The following EIF3I variants were observed in gnomAD, a reference collection of about 807,000 sequenced individuals.
The protein encoded by EIF3I is eukaryotic translation initiation factor 3 subunit I, also known as TGF-beta receptor-interacting protein 1.
A neutral mutation model predicts 43.3 loss-of-function variants in EIF3I; 20 were observed. The ratio of observed to expected loss-of-function variants is 0.46; its 90% CI spans 0.32 to 0.67. The LOEUF (loss-of-function observed/expected upper bound fraction) is 0.67. EIF3I is among the 30% of genes least tolerant of loss of function. EIF3I has a pLI of 0.03. For synonymous variants in EIF3I, 167 were observed against 151.7 expected (o/e 1.10, Z -0.74); for missense variants, 279 against 421.4 (o/e 0.66, Z 2.96).
intron 4 of EIF3I, among the ~76,000 whole-genome samples, chr1:32,225,271 C>T (rs759725185): frequency 1.3e-5 from 2 of 152,156 alleles, no homozygotes; most frequent in Non-Finnish European, 2.9e-5. Context: ...CCACTGTGCC[C>T]AGCCTAAGCT....
exon 12 of EIF3I, chr1:32,231,176 G>A (rs1639229742): frequency 4.3e-6 from 7 of 1,613,786 alleles, no homozygotes; most frequent in Non-Finnish European, 5.9e-6. Context: ...ACAGTACTTC[G>A]AATTTGAGTT....
At chr1:32,229,556 T>TA (rs1181163635) in intron 9 of EIF3I, among the ~76,000 whole-genome samples, 1 of 132,106 alleles carries the variant, frequency 7.6e-6, no homozygotes, top group African/African-American at 2.9e-5. Context: ...CCTTTTTTTT[T>TA]TTTTTTTTTT....
chr1:32,229,358 T>G, intron 9 of EIF3I, 150 bp downstream of exon 9: 3 of 751,070 alleles, frequency 4.0e-6, no homozygotes, highest in Non-Finnish European at 6.2e-6. Flanking sequence ...CCTCCCGGGT[T>G]GACGCCATTC....
At position 32,230,195 on chromosome 1, in the gene EIF3I, C is replaced by G. The variant is rs552974732; in HGVS notation, c.804-71C>G. On this transcript the variant is annotated intron_variant, in intron 9 of 11. Coordinates refer to ENST00000676679, the Ensembl canonical transcript of EIF3I. ...AACCATGGCACGCAGCCACCAATTT[C>G]CATCTTATTTTGTTCACATTCACTT... Among the ~76,000 whole-genome samples the G allele has an allele frequency of 5.3e-5, 8 of 149,730 alleles. No homozygotes were observed. In the Admixed American group the frequency reaches 5.4e-4, roughly 10 times the overall value.
intron 6 of EIF3I, among the ~76,000 whole-genome samples, chr1:32,228,185 AGT>A (rs1639176773): frequency 1.3e-5 from 2 of 152,220 alleles, no homozygotes; most frequent in South Asian, 2.1e-4. Context: ...AACGTCCTTC[AGT>A]GTGAGGAGGT....
downstream of EIF3I, chr1:32,234,304 CAA>C (rs76358588): frequency 1.2e-4 from 13 of 111,244 alleles, no homozygotes; most frequent in Admixed American, 9.7e-5. Context: ...GACTTCATCT[CAA>C]AAAAAAAAAA....
intron 6 of EIF3I, among the ~76,000 whole-genome samples, chr1:32,226,824 C>CCTTT (rs1557555148): frequency 3.8e-5 from 3 of 78,622 alleles, no homozygotes; most frequent in Admixed American, 1.7e-4. Flanking sequence ...CCGCTCGTGG[C>CCTTT]TTTTTTTTTT....
At chr1:32,236,104 A>G (rs1639294579), downstream of EIF3I, among the ~76,000 whole-genome samples, 1 of 152,234 alleles carries the variant, frequency 6.6e-6, no homozygotes, top group Non-Finnish European at 1.5e-5. Context: ...TCAGTTACCC[A>G]TGGTCAACTG....
intron 2 of EIF3I, among the ~76,000 whole-genome samples, chr1:32,223,034 T>C (rs1276739554): frequency 6.6e-6 from 1 of 152,188 alleles, no homozygotes; most frequent in Non-Finnish European, 1.5e-5. Context: ...GCTGAGATCG[T>C]GCCACTGCAC....
intron 6 of EIF3I, among the ~76,000 whole-genome samples, chr1:32,227,386 A>G (rs1639164844): frequency 6.6e-6 from 1 of 152,002 alleles, no homozygotes; most frequent in African/African-American, 2.4e-5. Context: ...GGCAATTTAC[A>G]TGACTTCTCT....
chr1:32,228,723 C>G lies in EIF3I; in HGVS notation c.640-4C>G. 5.6e-6 allele frequency: 9 copies of G among 1,613,956 alleles called. No homozygotes were observed. The highest frequency in any genetic ancestry group is 6.8e-6 in the Non-Finnish European group (8 of 1,179,846). ...CAGATTTCCCCCCTGCCTTCTCTCT[C>G]CAGCTTTTTGACTCCACAACTCTTG... On this transcript the variant is annotated splice_polypyrimidine_tract_variant and splice_region_variant and intron_variant, in intron 7 of 11. Transcript: ENST00000676679.
At chr1:32,233,885 T>C (rs1639269255), downstream of EIF3I, among the ~76,000 whole-genome samples, 1 of 152,124 alleles carries the variant, frequency 6.6e-6, no homozygotes, top group Non-Finnish European at 1.5e-5. Flanking sequence ...CTTGGACCTA[T>C]TTATCTCTGG....
At chr1:32,228,636 G>C in intron 7 of EIF3I, 27 bp downstream of exon 7, 1 of 1,610,406 alleles carries the variant, frequency 6.2e-7, no homozygotes, top group Non-Finnish European at 8.5e-7. Context: ...GTCTGGCAGG[G>C]CTGCTCCCTC....
At position 32,226,395 on chromosome 1, in the gene EIF3I, C is replaced by G. The variant is rs201776715; in HGVS notation, c.401-8C>G. ...AGCCCAGGGCCTAACATCTACTGCC[C>G]CACACAGACAACAATGAGCCCTACA... On this transcript the variant is annotated splice_region_variant and splice_polypyrimidine_tract_variant and intron_variant, in intron 5 of 11. Coordinates refer to ENST00000676679, the Ensembl canonical transcript of EIF3I. 1.2e-6 allele frequency: 2 copies of G among 1,608,660 alleles called. No homozygotes were observed. Among genetic ancestry groups the G allele is most frequent in the African/African-American group, 2.7e-5 (2 of 74,776 alleles).
At chr1:32,229,080 C>T in intron 8 of EIF3I, 55 bp from the exon 9 acceptor site, 3 of 1,566,866 alleles carry the variant, frequency 1.9e-6, no homozygotes, top group Non-Finnish European at 2.6e-6. Flanking sequence ...AGCAGAAAAA[C>T]ACAAAATGGA....
chr1:32,228,704 T>C (rs1639187482), intron 7 of EIF3I, 23 bp from the exon 8 acceptor site: 1 of 1,607,222 alleles, frequency 6.2e-7, no homozygotes, highest in South Asian at 1.1e-5. Context: ...TTTACAGATT[T>C]CCCCCCTGCC....
Position 32,230,367 on chromosome 1 carries a change from G to A in EIF3I, c.905G>A (p.Trp302Ter), listed in dbSNP as rs1321454980. Among the ~76,000 whole-genome samples, 1 of 152,058 alleles carries A rather than the reference G, an allele frequency of 6.6e-6. No homozygotes were observed. The highest frequency in any genetic ancestry group is 2.4e-5 in the African/African-American group (1 of 41,420). Residue 302 changes from tryptophan (W) to a stop codon, truncating the protein, a stop_gained, in exon 10 of 12, where the codon TGG becomes TAG. Coordinates refer to ENST00000676679, the Ensembl canonical transcript of EIF3I. LOFTEE classifies it high-confidence loss of function. ...CTTCTACCTCAGCTTCTGAGTAGCT[G>A]GGATTACAGGTACATGGCCACCGTC...
chr1:32,224,199 G>A (rs942203733), intron 3 of EIF3I, 78 bp downstream of exon 3: 1 of 1,466,850 alleles, frequency 6.8e-7, no homozygotes, highest in Non-Finnish European at 9.6e-7. Flanking sequence ...GTTGGGAGTT[G>A]GGGGTGCTGT....
chr1:32,230,559 G>T (rs1639219803), intron 10 of EIF3I, among the ~76,000 whole-genome samples: 1 of 152,174 alleles, frequency 6.6e-6, no homozygotes. Flanking sequence ...TGCATTTGAG[G>T]CCAGGTGTGG....
Sources: allele counts gnomAD v4.1 joint callset (sites outside exome capture counted in the v4.1 genomes callset), GRCh38; gene constraint gnomAD v4.1.1; transcripts MANE v1.5; gene names NCBI Gene and HGNC (gene_info 2026-07-23, HGNC 2026-07-21).